The following PKD1L3 variants were observed in gnomAD, a reference collection of about 807,000 sequenced individuals.
The protein encoded by PKD1L3 is polycystin-1-like protein 3.
PKD1L3 carries 239 observed loss-of-function variants against 184.1 expected under a neutral mutation model. The observed-to-expected ratio is 1.30, with a 90% CI of 1.17 to 1.45. PKD1L3 has a LOEUF of 1.45. PKD1L3 is among the 40% of genes most tolerant of loss of function. The pLI, the probability that PKD1L3 is intolerant of heterozygous loss-of-function variation, is 0.00. For missense variants in PKD1L3, 2,660 were observed against 2,067.2 expected, an observed-to-expected ratio of 1.29 and a Z score of -5.56; for synonymous variants, 996 against 778.8, an observed-to-expected ratio of 1.28 and a Z score of -4.64.
At position 71,984,147 on chromosome 16, in the gene PKD1L3, C is replaced by G; in HGVS notation, c.855G>C (p.Gly285=). 6.4e-7 allele frequency: 1 copy of G among 1,551,550 alleles called. No individual in the cohort carries two copies. Among genetic ancestry groups the G allele is most frequent in the Non-Finnish European group, 8.7e-7 (1 of 1,146,810 alleles). ...ASGQVIDEIA[G]NFSRAVHGLQ... The stretch of plus-strand genomic sequence containing the variant: ...AACCATGAACTGCTCTGCTGAAGTT[C>G]CCTGCTATCTCATCTATGACCTATT... Residue 285 remains glycine, a synonymous_variant, in exon 6 of 30, where the codon GGG becomes GGC. Transcript: ENST00000620267.
At chr16:71,951,464 G>T (rs532268452) in intron 19 of PKD1L3, 100 bp downstream of exon 19, 4 of 1,213,176 alleles carry the variant, frequency 3.3e-6, no homozygotes, top group East Asian at 2.6e-5. Context: ...CCAGAAGGTT[G>T]TATCAGGCCT....
chr16:71,936,315 G>T (rs1283738807), intron 25 of PKD1L3, among the ~76,000 whole-genome samples: 1 of 146,400 alleles, frequency 6.8e-6, no homozygotes. Context: ...AAGCAATTCT[G>T]CCCCAGTCTC....
chr16:71,946,777 G>C (rs1287845267), intron 22 of PKD1L3, among the ~76,000 whole-genome samples: 1 of 11,292 alleles, frequency 8.9e-5, no homozygotes, highest in African/African-American at 3.2e-4. Flanking sequence ...TCCAGATAGG[G>C]AGCAGTGGAG....
intron 3 of PKD1L3, among the ~76,000 whole-genome samples, chr16:71,990,917 T>C (rs1188581906): frequency 6.6e-6 from 1 of 152,110 alleles, no homozygotes; most frequent in Non-Finnish European, 1.5e-5. Flanking sequence ...AATAAGAACA[T>C]CCTTAATAGA....
chr16:71,993,362 T>C (rs1007351313), intron 2 of PKD1L3, 30 bp from the exon 3 acceptor site: 11 of 1,371,396 alleles, frequency 8.0e-6, no homozygotes, highest in Non-Finnish European at 1.1e-5. Flanking sequence ...CAAGTTAATT[T>C]ATAGGTTATA....
At chr16:71,978,518 TATACATAC>T (rs1264985442) in intron 9 of PKD1L3, 135 bp from the exon 10 acceptor site, 10 of 110,596 alleles carry the variant, frequency 9.0e-5, no homozygotes, top group Non-Finnish European at 7.9e-5. Context: ...TATATATATA[TATACATAC>T]ATACATACAT....
intron 18 of PKD1L3, among the ~76,000 whole-genome samples, chr16:71,951,984 C>G (rs1394534280): frequency 2.0e-5 from 3 of 152,080 alleles, no homozygotes; most frequent in Non-Finnish European, 4.4e-5. Context: ...GATCAAACAT[C>G]AAAGACTAAA....
intron 26 of PKD1L3, 25 bp from the exon 27 acceptor site, chr16:71,934,150 A>C: frequency 1.3e-6 from 2 of 1,549,824 alleles, no homozygotes; most frequent in Non-Finnish European, 1.7e-6. Context: ...GCTGACAGTT[A>C]CTCAGCAAGA....
At chr16:71,945,365 TACACACACGC>T (rs2038554403) in intron 22 of PKD1L3, among the ~76,000 whole-genome samples, 1 of 73,520 alleles carries the variant, frequency 1.4e-5, no homozygotes, top group Non-Finnish European at 2.8e-5. Flanking sequence ...TGTATTTATA[TACACACACGC>T]ACACACACAT....
At chr16:71,946,057 C>A (rs1051395374) in intron 22 of PKD1L3, among the ~76,000 whole-genome samples, 2 of 152,186 alleles carry the variant, frequency 1.3e-5, no homozygotes, top group African/African-American at 4.8e-5. Flanking sequence ...CTCCCAGGTT[C>A]AAGCGATTCT....
chr16:71,943,917 ATTTTAAAAGACAGC>A (rs2038459302), intron 23 of PKD1L3, 99 bp downstream of exon 23: 3 of 1,274,764 alleles, frequency 2.4e-6, no homozygotes, highest in Non-Finnish European at 1.1e-6. Flanking sequence ...CAGGGTGAAG[ATTTTAAAAGACAGC>A]TTTTTAACCC....
chr16:71,981,800 C>G (rs141455148), intron 7 of PKD1L3, among the ~76,000 whole-genome samples: 2,415 of 152,232 alleles, frequency 0.016, 33 homozygotes, highest in Non-Finnish European at 0.026. Flanking sequence ...CTTGGCCTCC[C>G]AAAGTGCTGG....
chr16:71,935,231 G>C, intron 26 of PKD1L3, 127 bp downstream of exon 26: 1 of 1,053,428 alleles, frequency 9.5e-7, no homozygotes, highest in Admixed American at 3.0e-5. Flanking sequence ...ATGAGTCCAA[G>C]TTCTCTTTTA....
chr16:71,929,856 G>A (rs2037865629), intron 29 of PKD1L3, 178 bp from the exon 30 acceptor site: 1 of 956,524 alleles, frequency 1.0e-6, no homozygotes, highest in African/African-American at 1.7e-5. Flanking sequence ...ACTATTTATA[G>A]GACAATGGCT....
chr16:71,977,049 AT>A (rs888096474), intron 11 of PKD1L3, among the ~76,000 whole-genome samples, 186 bp downstream of exon 11: 4 of 152,080 alleles, frequency 2.6e-5, no homozygotes, highest in Admixed American at 6.6e-5. Context: ...GGCCCACAAA[AT>A]TTTTTTTAAG....
At position 71,998,412 on chromosome 16, in the gene PKD1L3, G is replaced by T; in HGVS notation, c.296-18C>A. 6.5e-7 allele frequency: 1 copy of T among 1,540,642 alleles called. No homozygotes were observed. The highest frequency in any genetic ancestry group is 1.2e-5 in the South Asian group (1 of 82,702). On this transcript the variant is annotated intron_variant, in intron 1 of 29. Transcript: ENST00000620267. ...AACGTCTGCTGAGGGGAGATCAGAC[G>T]CAGATGAGCCTCATACTCGAAAGCC...
At position 71,933,623 on chromosome 16, in the gene PKD1L3, T is replaced by C. The variant is rs1464227747; in HGVS notation, c.4825-102A>G. The C allele has an allele frequency of 4.5e-6, 4 of 893,628 alleles. No individual in the cohort carries two copies. In the African/African-American group the frequency reaches 6.7e-5, roughly 15 times the overall value. 55.4% of individuals were successfully genotyped at this position (893,628 alleles called of 1,614,324 possible). ...CAACATAGAAGCAATGGAACAGAAATTCCTTGTGGCCAAATTATGCCCAAA... is the reference window on the plus strand; with the variant it reads ...CAACATAGAAGCAATGGAACAGAAACTCCTTGTGGCCAAATTATGCCCAAA... On this transcript the variant is annotated intron_variant, in intron 27 of 29. Transcript: ENST00000620267.
At position 71,982,230 on chromosome 16, in the gene PKD1L3, A is replaced by G; in HGVS notation, c.972T>C (p.Asn324=). The change falls in exon 7 of 30, where the codon AAT becomes AAC. Residue 324 remains asparagine (N), a synonymous_variant. Transcript: ENST00000620267. ...TPRFSKPAQV[N]LINSLIYLSE... ...TCAGGTAAATAAGGGAATTGATGAG[A>G]TTAACCTGGGAGGATTAGAAAGCAA... 6.8e-7 allele frequency: 1 copy of G among 1,469,692 alleles called. No individual in the cohort carries two copies. The highest frequency in any genetic ancestry group is 9.1e-7 in the Non-Finnish European group (1 of 1,094,328). 91.0% of individuals were successfully genotyped at this position (1,469,692 alleles called of 1,614,324 possible).
Position 71,967,945 on chromosome 16 carries a change from G to A in PKD1L3, c.2247C>T (p.Val749=), listed in dbSNP as rs976415276. ...CAGCGCTTCTTCGATATCCGGTGTA[G>A]ACCTGAATAAGGTAGTGAAATTGAG... is the stretch of plus-strand genomic sequence containing the variant. The part of the protein sequence containing the change: ...PSAQFHYLIQ[V]YTGYRRSAAT... Residue 749 remains valine, a synonymous_variant, in exon 14 of 30, where the codon GTC becomes GTT. Coordinates refer to ENST00000620267, the MANE Select transcript of PKD1L3 (RefSeq NM_181536.2). 2 of 1,551,556 alleles carry A rather than the reference G, an allele frequency of 1.3e-6. No homozygotes were observed. Among genetic ancestry groups the A allele is most frequent in the African/African-American group, 2.7e-5 (2 of 73,040 alleles).
Sources: allele counts gnomAD v4.1 joint callset (sites outside exome capture counted in the v4.1 genomes callset), GRCh38; gene constraint gnomAD v4.1.1; transcripts MANE v1.5; gene names NCBI Gene and HGNC (gene_info 2026-07-23, HGNC 2026-07-21).